CFAP54: variants seen among roughly 807,000 people sequenced by gnomAD.
CFAP54 encodes cilia and flagella associated protein 54.
CFAP54 carries 290 observed loss-of-function variants against 370.4 expected under a neutral mutation model. That is an observed-to-expected ratio of 0.78 (90% confidence interval 0.71 to 0.86). CFAP54 has a LOEUF of 0.86. Among genes scored for constraint, CFAP54 ranks in the 40% least tolerant of loss-of-function variants. The pLI is 0.00. For missense variants in CFAP54, 3,399 were observed against 3,528.7 expected, an observed-to-expected ratio of 0.96 and a Z score of 0.93; for synonymous variants, 1,206 against 1,236.5, an observed-to-expected ratio of 0.98 and a Z score of 0.52.
chr12:96,510,016 G>A (rs1004425581), intron 4 of CFAP54, among the ~76,000 whole-genome samples: 14 of 151,666 alleles, frequency 9.2e-5, no homozygotes, highest in South Asian at 2.1e-4. Flanking sequence ...GGTGGCTCAC[G>A]CCTGTAATCC....
intron 65 of CFAP54, among the ~76,000 whole-genome samples, chr12:96,827,814 A>ACATAT (rs1310972166): frequency 5.3e-5 from 6 of 113,436 alleles, no homozygotes; most frequent in African/African-American, 2.1e-4. Flanking sequence ...ATACATAGTA[A>ACATAT]TATATTATAT....
chr12:96,817,511 C>G (rs1045828094), intron 64 of CFAP54, among the ~76,000 whole-genome samples: 3 of 151,988 alleles, frequency 2.0e-5, no homozygotes, highest in African/African-American at 7.2e-5. Context: ...AGCTCTGCCT[C>G]CCAGGTTCAC....
chr12:96,822,198 C>T (rs1024262274), intron 65 of CFAP54, among the ~76,000 whole-genome samples: 4 of 152,056 alleles, frequency 2.6e-5, no homozygotes, highest in Non-Finnish European at 4.4e-5. Context: ...CTGTCATTCA[C>T]AGTTAACGGG....
At chr12:96,507,534 TAC>T (rs34776926) in intron 4 of CFAP54, among the ~76,000 whole-genome samples, 17,655 of 140,604 alleles carry the variant, frequency 0.13, 1,600 homozygotes, top group East Asian at 0.46. Context: ...CACACACACA[TAC>T]ACACACACAC....
intron 14 of CFAP54, among the ~76,000 whole-genome samples, chr12:96,544,705 T>G (rs1955619074): frequency 6.6e-6 from 1 of 152,186 alleles, no homozygotes; most frequent in Admixed American, 6.5e-5. Context: ...TAGTCCATTT[T>G]CTGTTACTTA....
chr12:96,858,327 G>GT (rs1222686598), intron 66 of CFAP54, among the ~76,000 whole-genome samples: 1 of 152,010 alleles, frequency 6.6e-6, no homozygotes, highest in Admixed American at 6.6e-5. Context: ...TCCTTTGCCC[G>GT]TTTTTTAGTG....
At chr12:96,720,633 A>C (rs1957740133) in intron 50 of CFAP54, 68 bp downstream of exon 50, 1 of 1,195,620 alleles carries the variant, frequency 8.4e-7, no homozygotes, top group Non-Finnish European at 1.1e-6. Flanking sequence ...TTTATTAAAT[A>C]GACTTAAATT....
At chr12:96,660,172 C>G (rs1014067985) in intron 38 of CFAP54, among the ~76,000 whole-genome samples, 1 of 152,106 alleles carries the variant, frequency 6.6e-6, no homozygotes, top group Non-Finnish European at 1.5e-5. Context: ...ATACAGTGAT[C>G]TAGGGAAAGA....
intron 26 of CFAP54, among the ~76,000 whole-genome samples, chr12:96,603,445 C>T (rs1956265672): frequency 6.6e-6 from 1 of 152,074 alleles, no homozygotes; most frequent in East Asian, 1.9e-4. Context: ...TGGAGTTGCT[C>T]TTCTTGAGGA....
intron 65 of CFAP54, among the ~76,000 whole-genome samples, chr12:96,821,960 TGG>T (rs1467613854): frequency 6.6e-6 from 1 of 152,260 alleles, no homozygotes; most frequent in Admixed American, 6.5e-5. Context: ...TTGGTTGACA[TGG>T]GGGGAAGGTA....
chr12:96,562,515 C>G (rs1449628550), intron 17 of CFAP54, among the ~76,000 whole-genome samples: 1 of 150,960 alleles, frequency 6.6e-6, no homozygotes, highest in East Asian at 2.0e-4. Flanking sequence ...GAACCTCTGC[C>G]TCCGAGGTTC....
At chr12:96,614,965 C>T (rs1435266878) in intron 26 of CFAP54, among the ~76,000 whole-genome samples, 1 of 152,104 alleles carries the variant, frequency 6.6e-6, no homozygotes, top group Non-Finnish European at 1.5e-5. Context: ...AATGCCATCC[C>T]CATCAAGCTA....
chr12:96,554,741 G>T lies in CFAP54; in HGVS notation c.2349G>T (p.Leu783Phe), dbSNP rs1312919062. The change falls in exon 17 of 68, where the codon TTG becomes TTT. Residue 783 changes from leucine (L) to phenylalanine (F), a missense_variant. Transcript: ENST00000524981. ...CCTCAAATAGTTTCATGATGGATTT[G>T]CATCTTGAACTAATTCAAGCTCAGC... ...PLASNSFMMDLHLELIQAQHR... is the reference protein window; with the variant it reads ...PLASNSFMMDFHLELIQAQHR... 2 of 1,534,810 alleles carry T rather than the reference G, an allele frequency of 1.3e-6. No homozygotes were observed. The highest frequency in any genetic ancestry group is 1.7e-6 in the Non-Finnish European group (2 of 1,146,032).
In CFAP54 at chr12:96,650,011, G is replaced by A. The variant is rs1329982363; in HGVS notation, c.4811G>A (p.Gly1604Glu). The change falls in exon 35 of 68, where the codon GGA becomes GAA. Residue 1604 changes from glycine (G) to glutamate (E), a missense_variant. Around this residue, in one of 3 missense-constraint regions of CFAP54, gnomAD observed 2,796 missense variants for 2,869.7 expected, o/e 0.97. Transcript: ENST00000524981. Reference protein sequence around the residue: ...SGSSAKEKDRGANLCVMDHFM... With the variant: ...SGSSAKEKDREANLCVMDHFM... Reference sequence around the variant, plus strand: ...TCTAGTGCTAAAGAAAAGGACCGAGGAGCAAATTTGTGTGTAATGGATCAT... The same window carrying A: ...TCTAGTGCTAAAGAAAAGGACCGAGAAGCAAATTTGTGTGTAATGGATCAT... 6.2e-7 allele frequency: 1 copy of A among 1,613,782 alleles called. No individual in the cohort carries two copies. Among genetic ancestry groups the A allele is most frequent in the South Asian group, 1.1e-5 (1 of 90,964 alleles).
At chr12:96,540,706 G>T (rs1194568077) in intron 13 of CFAP54, 131 bp from the exon 14 acceptor site, 9 of 466,434 alleles carry the variant, frequency 1.9e-5, no homozygotes, top group Non-Finnish European at 3.2e-5. Flanking sequence ...TAATAAGGAG[G>T]GGTACCTGTG....
intron 66 of CFAP54, among the ~76,000 whole-genome samples, chr12:96,856,260 T>C (rs1327871330): frequency 6.6e-6 from 1 of 152,218 alleles, no homozygotes; most frequent in Non-Finnish European, 1.5e-5. Context: ...CCCTGGAGCA[T>C]AAATTGTGAT....
At position 96,708,674 on chromosome 12, in the gene CFAP54, T is replaced by A. The variant is rs373373185; in HGVS notation, c.6595T>A (p.Leu2199Ile). 1 of 1,612,426 alleles carries A rather than the reference T, an allele frequency of 6.2e-7. No individual in the cohort carries two copies. The highest frequency in any genetic ancestry group is 8.5e-7 in the Non-Finnish European group (1 of 1,179,566). The change falls in exon 48 of 68, where the codon TTA becomes ATA. Residue 2199 changes from leucine to isoleucine, a missense_variant. Coordinates refer to ENST00000524981, the MANE Select transcript of CFAP54 (RefSeq NM_001306084.2). ...VLVTIGQPHL[L>I]NKFNFVKAYF... is the part of the protein sequence containing the mutation. Reference sequence around the variant, plus strand: ...GGTTACAATTGGCCAACCACATCTCTTAAATAAGTTTAATTTTGTTAAAGC... The same window carrying A: ...GGTTACAATTGGCCAACCACATCTCATAAATAAGTTTAATTTTGTTAAAGC...
Position 96,621,691 on chromosome 12 carries a change from T to C in CFAP54, c.3741T>C (p.Gly1247=). 1 of 1,527,158 alleles carries C rather than the reference T, an allele frequency of 6.5e-7. No individual in the cohort carries two copies. Among genetic ancestry groups the C allele is most frequent in the Non-Finnish European group, 8.8e-7 (1 of 1,142,160 alleles). 94.6% of individuals were successfully genotyped at this position (1,527,158 alleles called of 1,614,324 possible). Residue 1247 remains glycine (G), a synonymous_variant, in exon 27 of 68, where the codon GGT becomes GGC. Coordinates refer to ENST00000524981, the MANE Select transcript of CFAP54 (RefSeq NM_001306084.2). ...CAGGATGCAAGTCTCTGTTTGATGG[T>C]AGTAATGAACAAGAAGAAATGCCAG... The part of the protein sequence containing the change: ...ITPGCKSLFD[G]SNEQEEMPEE...
At chr12:96,824,071 C>T (rs2136745936) in intron 65 of CFAP54, among the ~76,000 whole-genome samples, 1 of 152,298 alleles carries the variant, frequency 6.6e-6, no homozygotes, top group South Asian at 2.1e-4. Flanking sequence ...AGCAGATGTT[C>T]TTTTTAAGGG....
Sources: allele counts gnomAD v4.1 joint callset (sites outside exome capture counted in the v4.1 genomes callset), GRCh38; gene constraint gnomAD v4.1.1; regional missense constraint gnomAD v4.1.1; transcripts MANE v1.5; gene names NCBI Gene and HGNC (gene_info 2026-07-23, HGNC 2026-07-21).